ZFHX4: variants seen among roughly 807,000 people sequenced by gnomAD.
ZFHX4 encodes zinc finger homeobox 4.
A neutral mutation model predicts 267.6 loss-of-function variants in ZFHX4; 56 were observed. That is an observed-to-expected ratio of 0.21 (90% confidence interval 0.17 to 0.26). The LOEUF is 0.26. ZFHX4 is among the 10% of genes least tolerant of loss of function. The probability of loss-of-function intolerance (pLI) is 1.00; values close to 1 mark genes in which losing one functional copy is unlikely to be tolerated. For missense variants in ZFHX4, 4,332 were observed against 4,420.0 expected (o/e 0.98, Z 0.56); for synonymous variants, 1,778 against 1,665.6 (o/e 1.07, Z -1.64).
intron 3 of ZFHX4, among the ~76,000 whole-genome samples, chr8:76,729,516 G>T (rs542750211): frequency 6.6e-6 from 1 of 152,206 alleles, no homozygotes. Context: ...GAGCAAAGAT[G>T]ATTTCTGTTG....
intron 5 of ZFHX4, 74 bp from the exon 6 acceptor site, chr8:76,842,581 G>A (rs1812262633): frequency 9.7e-7 from 1 of 1,032,800 alleles, no homozygotes; most frequent in African/African-American, 1.7e-5. Flanking sequence ...GTTTTCAAGT[G>A]GCCACCTAGT....
At chr8:76,806,210 T>A (rs16939368) in intron 4 of ZFHX4, among the ~76,000 whole-genome samples, 5,192 of 152,204 alleles carry the variant, frequency 0.034, 215 homozygotes, top group East Asian at 0.18. Flanking sequence ...AAATAACACG[T>A]AGCATGATCA....
chr8:76,830,481 A>G (rs947410471), intron 4 of ZFHX4, among the ~76,000 whole-genome samples: 1 of 152,248 alleles, frequency 6.6e-6, no homozygotes, highest in Non-Finnish European at 1.5e-5. Flanking sequence ...ACATATTGTA[A>G]GATGCTATGT....
At chr8:76,774,069 G>A (rs560790067) in intron 3 of ZFHX4, among the ~76,000 whole-genome samples, 24 of 152,182 alleles carry the variant, frequency 1.6e-4, no homozygotes, top group African/African-American at 4.8e-4. Flanking sequence ...TCCAAATTCT[G>A]GACCCCCATC....
chr8:76,773,302 A>C (rs1008955501), intron 3 of ZFHX4, among the ~76,000 whole-genome samples: 3 of 152,134 alleles, frequency 2.0e-5, no homozygotes, highest in Non-Finnish European at 4.4e-5. Context: ...CATTCAGATA[A>C]ATGGAGATGA....
Position 76,854,883 on chromosome 8 carries a change from G to GA in ZFHX4, c.7964dup (p.Asn2655LysfsTer21). On this transcript the variant is annotated frameshift_variant, in exon 10 of 11. Transcript: ENST00000651372. LOFTEE classifies it high-confidence loss of function. ...AAAGGGTCGTGCAAGTCTGGTTCCA[G>GA]AATACACGAGCGCGGGAGAGGAAAG... 6.2e-7 allele frequency: 1 copy of GA among 1,612,796 alleles called. No individual in the cohort carries two copies. Among genetic ancestry groups the GA allele is most frequent in the Non-Finnish European group, 8.5e-7 (1 of 1,179,244 alleles).
rs769719743 is a variant in ZFHX4, at chr8:76,863,665, GCAGTACCAA to G, written c.9957_9965del (p.Tyr3322_Gln3324del). On this transcript the variant is annotated inframe_deletion, in exon 11 of 11. Transcript: ENST00000651372. ...GTCTGTCCCCAGGTGCACTGTTGCA[GCAGTACCAA>G]CAGTATCAGCAGAACCTGCAGGAGT... is the stretch of plus-strand genomic sequence containing the variant. 2.3e-5 allele frequency: 37 copies of G among 1,607,600 alleles called. No individual in the cohort carries two copies. Among genetic ancestry groups the G allele is most frequent in the Non-Finnish European group, 3.1e-5 (37 of 1,176,602 alleles).
chr8:76,774,714 A>C (rs902412699), intron 3 of ZFHX4, among the ~76,000 whole-genome samples: 2 of 152,124 alleles, frequency 1.3e-5, no homozygotes, highest in African/African-American at 2.4e-5. Flanking sequence ...CTTTACATAC[A>C]TAATTAAATA....
chr8:76,711,222 A>C (rs535106969), intron 3 of ZFHX4, among the ~76,000 whole-genome samples: 1 of 152,262 alleles, frequency 6.6e-6, no homozygotes, highest in African/African-American at 2.4e-5. Context: ...TTTTAAAAGC[A>C]ATTTTGTTAC....
At chr8:76,750,941 C>T (rs1234299464) in intron 3 of ZFHX4, among the ~76,000 whole-genome samples, 1 of 152,106 alleles carries the variant, frequency 6.6e-6, no homozygotes, top group Non-Finnish European at 1.5e-5. Context: ...CACATTTTCT[C>T]ATACCTTAAA....
At chr8:76,752,487 C>CAAAAAAAA (rs144149879) in intron 3 of ZFHX4, among the ~76,000 whole-genome samples, 2,778 of 69,688 alleles carry the variant, frequency 0.04, 3 homozygotes, top group Non-Finnish European at 0.045. Context: ...ACCAAAAATC[C>CAAAAAAAA]AAAAAAAAAA....
Position 76,863,610 on chromosome 8 carries a change from A to G in ZFHX4, c.9896A>G (p.Tyr3299Cys). ...PVCGMESLFP[Y>C]GPTMPQTLAG... ...TGTGGCATGGAGAGCCTCTTTCCTT[A>G]TGGCCCTACAATGCCCCAGACACTG... is the stretch of plus-strand genomic sequence containing the variant. The change falls in exon 11 of 11, where the codon TAT (tyrosine) becomes TGT (cysteine). Residue 3299 changes from tyrosine to cysteine, a missense_variant. By Grantham distance (194) the Tyr-to-Cys change is radical. Around this residue, in one of 7 missense-constraint regions of ZFHX4, gnomAD observed 1,648 missense variants for 1,625.0 expected, o/e 1.01. Transcript: ENST00000651372. 2 of 1,613,496 alleles carry G rather than the reference A, an allele frequency of 1.2e-6. No homozygotes were observed. The highest frequency in any genetic ancestry group is 1.7e-6 in the Non-Finnish European group (2 of 1,179,770).
At chr8:76,862,437 C>A (rs1247766644) in intron 10 of ZFHX4, among the ~76,000 whole-genome samples, 1 of 152,196 alleles carries the variant, frequency 6.6e-6, no homozygotes, top group East Asian at 1.9e-4. Context: ...TTAACCTACA[C>A]TCCTAAAAAT....
At chr8:76,724,750 T>A (rs1030054190) in intron 3 of ZFHX4, among the ~76,000 whole-genome samples, 1 of 152,086 alleles carries the variant, frequency 6.6e-6, no homozygotes, top group African/African-American at 2.4e-5. Flanking sequence ...CCTTTGTACA[T>A]GAAGATATCC....
chr8:76,863,101 A>T lies in ZFHX4; in HGVS notation c.9387A>T (p.Thr3129=). Residue 3129 remains threonine, a synonymous_variant, in exon 11 of 11, where the codon ACA becomes ACT. Transcript: ENST00000651372. ...PGFPQNSNTL[T]PPGAGMLGFP... ...CTCTGTTGTTGTTTTCAGCTTTAAC[A>T]CCTCCCGGTGCAGGCATGCTTGGGT... The T allele has an allele frequency of 1.3e-6, 2 of 1,510,564 alleles. No homozygotes were observed. Among genetic ancestry groups the T allele is most frequent in the South Asian group, 2.7e-5 (2 of 75,462 alleles). The allele number at this position is 1,510,564 out of a possible 1,614,324, so 93.6% of individuals were successfully genotyped here. A position where few individuals can be genotyped will look rare whatever the true frequency, so the allele number is the denominator to read the frequency against.
At chr8:76,709,267 T>C (rs1243711555) in intron 3 of ZFHX4, among the ~76,000 whole-genome samples, 5 of 152,194 alleles carry the variant, frequency 3.3e-5, no homozygotes, top group Admixed American at 3.3e-4. Flanking sequence ...TGTGAGAATT[T>C]GTAGCACTCT....
At chr8:76,752,900 C>T (rs1809658498) in intron 3 of ZFHX4, among the ~76,000 whole-genome samples, 1 of 152,046 alleles carries the variant, frequency 6.6e-6, no homozygotes, top group South Asian at 2.1e-4. Flanking sequence ...TTGTACAATT[C>T]CTAAATTGAC....
At chr8:76,737,152 G>A (rs779943679) in intron 3 of ZFHX4, among the ~76,000 whole-genome samples, 3 of 152,220 alleles carry the variant, frequency 2.0e-5, no homozygotes, top group South Asian at 2.1e-4. Flanking sequence ...AGTGTTTTAC[G>A]CTCTAGGTAA....
Position 76,807,216 on chromosome 8 carries a change from A to G in ZFHX4, c.3326-26122A>G, listed in dbSNP as rs544892581. ...ATTTTTTTTACTCCCATCCACTCCAAATTTTTCTGACAAGTTTAGAGCAAA... is the reference window on the plus strand; with the variant it reads ...ATTTTTTTTACTCCCATCCACTCCAGATTTTTCTGACAAGTTTAGAGCAAA... On this transcript the variant is annotated intron_variant, in intron 4 of 10. Coordinates refer to ENST00000651372, the MANE Select transcript of ZFHX4 (RefSeq NM_024721.5). Among the ~76,000 whole-genome samples, 130 of 152,098 alleles carry G rather than the reference A, an allele frequency of 8.5e-4. 1 individual carries two copies. The highest frequency in any genetic ancestry group is 1.1e-3 in the Non-Finnish European group (72 of 67,980).
Sources: gnomAD v4.1 joint callset for allele counts (sites outside exome capture counted in the v4.1 genomes callset) on GRCh38, gnomAD v4.1.1 for gene constraint, gnomAD v4.1.1 regional missense constraint, MANE v1.5 for transcripts, NCBI Gene and HGNC (gene_info 2026-07-23, HGNC 2026-07-21) for gene names.